The following PLPPR1 variants were observed in gnomAD, a reference collection of about 807,000 sequenced individuals.
The protein encoded by PLPPR1 is phospholipid phosphatase-related protein type 1.
PLPPR1 carries 10 observed loss-of-function variants against 33.1 expected under a neutral mutation model. The observed-to-expected ratio is 0.30, with a 90% CI of 0.19 to 0.51. The LOEUF (loss-of-function observed/expected upper bound fraction) is 0.51. Among genes scored for constraint, PLPPR1 ranks in the 20% least tolerant of loss-of-function variants. PLPPR1 has a pLI of 0.97. For missense variants in PLPPR1, 304 were observed against 408.1 expected, an observed-to-expected ratio of 0.74 and a Z score of 2.20; for synonymous variants, 151 against 151.0, an observed-to-expected ratio of 1.00 and a Z score of 0.00.
At chr9:101,072,218 G>T (rs996569141) in intron 1 of PLPPR1, among the ~76,000 whole-genome samples, 1 of 152,076 alleles carries the variant, frequency 6.6e-6, no homozygotes, top group African/African-American at 2.4e-5. Context: ...TGGTTGGGTG[G>T]CTCATTTGTA....
At chr9:101,141,753 T>C (rs1331131783) in intron 1 of PLPPR1, among the ~76,000 whole-genome samples, 1 of 152,122 alleles carries the variant, frequency 6.6e-6, no homozygotes, top group African/African-American at 2.4e-5. Context: ...GTAACTGAGA[T>C]TGGAAAACTG....
At chr9:101,060,895 C>A (rs1224596494) in intron 1 of PLPPR1, among the ~76,000 whole-genome samples, 3 of 151,878 alleles carry the variant, frequency 2.0e-5, no homozygotes, top group Non-Finnish European at 4.4e-5. Context: ...TAATCACTCC[C>A]TCCTTTTTTT....
intron 2 of PLPPR1, among the ~76,000 whole-genome samples, chr9:101,214,486 G>A (rs1262054639): frequency 6.6e-6 from 1 of 152,134 alleles, no homozygotes; most frequent in African/African-American, 2.4e-5. Flanking sequence ...CCAGTAGTAA[G>A]TATTTTAAGA....
intron 2 of PLPPR1, among the ~76,000 whole-genome samples, chr9:101,222,980 C>T (rs1826978174): frequency 6.6e-6 from 1 of 151,792 alleles, no homozygotes; most frequent in African/African-American, 2.4e-5. Flanking sequence ...CTACTTCTCT[C>T]CCAACCTACC....
chr9:101,051,407 A>G (rs141010466), intron 1 of PLPPR1, among the ~76,000 whole-genome samples: 258 of 152,178 alleles, frequency 1.7e-3, no homozygotes, highest in African/African-American at 5.9e-3. Flanking sequence ...TCTGGCACTC[A>G]ATATCCTCCA....
At chr9:101,294,128 C>T (rs1302631277) in intron 4 of PLPPR1, among the ~76,000 whole-genome samples, 18 of 152,056 alleles carry the variant, frequency 1.2e-4, no homozygotes, top group African/African-American at 3.4e-4. Context: ...ATATCACCAC[C>T]GATCCCACAG....
chr9:101,076,478 A>G (rs949237049), intron 1 of PLPPR1, among the ~76,000 whole-genome samples: 2 of 152,144 alleles, frequency 1.3e-5, no homozygotes, highest in Non-Finnish European at 2.9e-5. Flanking sequence ...ATTTGCTTTT[A>G]TTGTGAAGGA....
chr9:101,088,711 C>T (rs1276552593), intron 1 of PLPPR1, among the ~76,000 whole-genome samples: 1 of 152,128 alleles, frequency 6.6e-6, no homozygotes, highest in Non-Finnish European at 1.5e-5. Flanking sequence ...TTATTGCTCT[C>T]ACCCTGTAAA....
intron 1 of PLPPR1, among the ~76,000 whole-genome samples, chr9:101,094,732 C>T (rs991043477): frequency 6.6e-6 from 1 of 152,142 alleles, no homozygotes; most frequent in African/African-American, 2.4e-5. Context: ...ATGCATACAG[C>T]CAGGTGATCC....
chr9:101,294,933 G>T (rs1475972407), intron 4 of PLPPR1, among the ~76,000 whole-genome samples: 2 of 152,190 alleles, frequency 1.3e-5, no homozygotes, highest in Non-Finnish European at 2.9e-5. Context: ...TCGACATAGT[G>T]TTGGAAGTTC....
At chr9:101,079,136 C>T (rs1830584718) in intron 1 of PLPPR1, among the ~76,000 whole-genome samples, 1 of 152,192 alleles carries the variant, frequency 6.6e-6, no homozygotes, top group African/African-American at 2.4e-5. Context: ...TAAATTTCCT[C>T]TCAGCAGTTT....
At chr9:101,096,891 C>T (rs1398770076) in intron 1 of PLPPR1, among the ~76,000 whole-genome samples, 1 of 151,546 alleles carries the variant, frequency 6.6e-6, no homozygotes, top group Admixed American at 6.6e-5. Context: ...ATAGTGAGAC[C>T]CCATCTCTAC....
chr9:101,109,572 A>G (rs1831025092), intron 1 of PLPPR1, among the ~76,000 whole-genome samples: 2 of 152,188 alleles, frequency 1.3e-5, no homozygotes, highest in African/African-American at 4.8e-5. Flanking sequence ...TCACTGAGTG[A>G]ATTATTATTC....
At chr9:101,233,674 G>A (rs1199541241) in intron 2 of PLPPR1, among the ~76,000 whole-genome samples, 3 of 151,858 alleles carry the variant, frequency 2.0e-5, no homozygotes, top group Admixed American at 6.6e-5. Context: ...TAATGTTTTA[G>A]CAAGAAGGTC....
At chr9:101,095,390 T>C (rs543536750) in intron 1 of PLPPR1, among the ~76,000 whole-genome samples, 1 of 152,290 alleles carries the variant, frequency 6.6e-6, no homozygotes, top group East Asian at 1.9e-4. Flanking sequence ...TCCTTGGAGG[T>C]TCCTGGTCTG....
intron 3 of PLPPR1, among the ~76,000 whole-genome samples, chr9:101,272,737 G>A (rs1338516470): frequency 6.6e-6 from 1 of 152,084 alleles, no homozygotes; most frequent in Non-Finnish European, 1.5e-5. Flanking sequence ...AAAGGATACA[G>A]CATTTTTCTC....
chr9:101,202,779 A>G (rs1157565981), intron 2 of PLPPR1, among the ~76,000 whole-genome samples: 2 of 152,188 alleles, frequency 1.3e-5, no homozygotes, highest in Non-Finnish European at 2.9e-5. Flanking sequence ...GAAAGCTGGA[A>G]TATCTGTCAT....
intron 3 of PLPPR1, among the ~76,000 whole-genome samples, chr9:101,272,823 C>G (rs1828124157): frequency 6.6e-6 from 1 of 152,106 alleles, no homozygotes; most frequent in Admixed American, 6.6e-5. Flanking sequence ...TAATTCTAGT[C>G]AAAGCATAAA....
intron 1 of PLPPR1, among the ~76,000 whole-genome samples, chr9:101,072,606 A>G (rs10989373): frequency 0.039 from 5,930 of 152,262 alleles, 175 homozygotes; most frequent in East Asian, 0.082. Context: ...CATTCAGTAG[A>G]TGCTGGGCAA....
Sources: allele counts gnomAD v4.1 joint callset (sites outside exome capture counted in the v4.1 genomes callset), GRCh38; gene constraint gnomAD v4.1.1; transcripts MANE v1.5; gene names NCBI Gene and HGNC (gene_info 2026-07-23, HGNC 2026-07-21).